DDR1: variants seen among roughly 807,000 people sequenced by gnomAD.
The protein encoded by DDR1 is discoidin domain receptor tyrosine kinase 1.
Under a neutral mutation model 97.4 loss-of-function variants are expected in DDR1, and 64 were observed. The ratio of observed to expected loss-of-function variants is 0.66; its 90% CI spans 0.54 to 0.81. The LOEUF is 0.81. Among genes scored for constraint, DDR1 ranks in the 30% least tolerant of loss-of-function variants. DDR1 has a pLI of 0.00. For synonymous variants in DDR1, 458 were observed against 503.7 expected (o/e 0.91, Z 1.21); for missense variants, 990 against 1,259.6 (o/e 0.79, Z 3.24).
Position 30,896,739 on chromosome 6 carries a change from CG to C in DDR1, c.1748del (p.Gly583AlafsTer70), listed in dbSNP as rs2150424867. 6.3e-7 allele frequency: 1 copy of C among 1,596,270 alleles called. No homozygotes were observed. Among genetic ancestry groups the C allele is most frequent in the Non-Finnish European group, 8.5e-7 (1 of 1,170,478 alleles). On this transcript the variant is annotated frameshift_variant, in exon 13 of 18. Transcript: ENST00000376568. LOFTEE classifies it high-confidence loss of function. ...ACATTGTTACCCTGCAGGGCGTCACCGGGGGCAACACCTATGCTGTGCCTGC... is the reference window on the plus strand; with the variant it reads ...ACATTGTTACCCTGCAGGGCGTCACCGGGGCAACACCTATGCTGTGCCTGC... Reference protein sequence around the residue: ...ADIVTLQGVTGGNTYAVPALP... With the variant: ...ADIVTLQGVTXGNTYAVPALP...
In DDR1 at chr6:30,889,376, T is replaced by G. The variant is rs1396848533; in HGVS notation, c.363T>G (p.Arg121=). 6.2e-7 allele frequency: 1 copy of G among 1,604,446 alleles called. No homozygotes were observed. The highest frequency in any genetic ancestry group is 8.5e-7 in the Non-Finnish European group (1 of 1,175,758). The part of the protein sequence containing the change: ...GKEFSRSYRL[R]YSRDGRRWMG... ...AGTTCTCCCGGAGCTACCGGCTGCG[T>G]TACTCCCGGGATGGTCGCCGCTGGA... The change falls in exon 4 of 18, where the codon CGT becomes CGG. Residue 121 remains arginine, a synonymous_variant. Transcript: ENST00000376568. The surrounding 1 kb of genome is among the most constrained non-coding windows in gnomAD (Gnocchi z 4.9).
chr6:30,899,957 G>A lies in DDR1; in HGVS notation c.*661G>A. 1.8e-6 allele frequency: 1 copy of A among 563,008 alleles called. No individual in the cohort carries two copies. Among genetic ancestry groups the A allele is most frequent in the South Asian group, 1.5e-5 (1 of 67,436 alleles). 34.9% of individuals were successfully genotyped at this position (563,008 alleles called of 1,614,324 possible). On this transcript the variant is annotated 3_prime_UTR_variant, in exon 18 of 18. Transcript: ENST00000376568. Reference sequence around the variant, plus strand: ...GTGGAGTAAATATTGGGATTGGGGGGAAAGAGGGAGCAACGGCCCATAGCC... The same window carrying A: ...GTGGAGTAAATATTGGGATTGGGGGAAAAGAGGGAGCAACGGCCCATAGCC...
At chr6:30,898,455 A>G in intron 16 of DDR1, 148 bp downstream of exon 16, 1 of 672,600 alleles carries the variant, frequency 1.5e-6, no homozygotes, top group African/African-American at 1.8e-5. Context: ...TCCTAGCCCA[A>G]GGGACTGGGG....
intron 12 of DDR1, among the ~76,000 whole-genome samples, 187 bp downstream of exon 12, chr6:30,895,701 C>A (rs991945055): frequency 6.6e-6 from 1 of 152,182 alleles, no homozygotes; most frequent in African/African-American, 2.4e-5. Context: ...TAAGGTCCCC[C>A]CCTTGAGCTG....
In DDR1 at chr6:30,897,270, G is replaced by A. The variant is rs1445619709; in HGVS notation, c.1998-109G>A. 4 of 1,464,586 alleles carry A rather than the reference G, an allele frequency of 2.7e-6. No homozygotes were observed. Among genetic ancestry groups the A allele is most frequent in the Non-Finnish European group, 3.7e-6 (4 of 1,086,234 alleles). 90.7% of individuals were successfully genotyped at this position (1,464,586 alleles called of 1,614,324 possible). A position where few individuals can be genotyped will look rare whatever the true frequency, so the allele number is the denominator to read the frequency against. ...CTGGGAGGGGATTTACATGTACGCT[G>A]GGGGTGGGGACGCCTGGTCTGCCTG... is the stretch of plus-strand genomic sequence containing the variant. On this transcript the variant is annotated intron_variant, in intron 14 of 17. Coordinates refer to ENST00000376568, the MANE Select transcript of DDR1 (RefSeq NM_001297654.2). This position sits in a 1 kb window ranked among gnomAD's most constrained non-coding sequence, Gnocchi z 5.2.
In DDR1 at chr6:30,886,083, A is replaced by ACGTCTCTGTGCTTCTCCGT. The variant is rs1785699357; in HGVS notation, c.-43+1374_-43+1392dup. ...GGGTGTTGGAGAACAGACAGCCCAG[A>ACGTCTCTGTGCTTCTCCGT]CGTCTCTGTGCTTCTCCGTGTTCCT... On this transcript the variant is annotated intron_variant, in intron 1 of 17. Coordinates refer to ENST00000376568, the MANE Select transcript of DDR1 (RefSeq NM_001297654.2). The surrounding 1 kb of genome is among the most constrained non-coding windows in gnomAD (Gnocchi z 4.6). Among the ~76,000 whole-genome samples, 4 of 152,172 alleles carry ACGTCTCTGTGCTTCTCCGT rather than the reference A, an allele frequency of 2.6e-5. No homozygotes were observed. In the South Asian group the frequency reaches 8.3e-4, roughly 32 times the overall value.
rs1024066415 is a variant in DDR1 at position 30,888,169 on chromosome 6, T to C, written c.-42-519T>C. Among the ~76,000 whole-genome samples the C allele has an allele frequency of 4.6e-5, 7 of 152,368 alleles. No homozygotes were observed. The highest frequency in any genetic ancestry group is 3.4e-3 in the Middle Eastern group (1 of 294). ...TTAAAAAAAATGTTTGTTGGCAATT[T>C]GGCTTTGCTTTTCTGTGAAATGACT... On this transcript the variant is annotated intron_variant, in intron 1 of 17. Coordinates refer to ENST00000376568, the MANE Select transcript of DDR1 (RefSeq NM_001297654.2). The surrounding 1 kb of genome is among the most constrained non-coding windows in gnomAD (Gnocchi z 4.2).
chr6:30,891,341 C>T lies in DDR1; in HGVS notation c.566-39C>T. On this transcript the variant is annotated intron_variant, in intron 5 of 17. Coordinates refer to ENST00000376568, the MANE Select transcript of DDR1 (RefSeq NM_001297654.2). This position sits in a 1 kb window ranked among gnomAD's most constrained non-coding sequence, Gnocchi z 5.3. ...CTGATGCAGGGATGGGGGATGGAGC[C>T]TTAGTGCCTCTGACCCCCATCCTCT... The T allele has an allele frequency of 1.3e-6, 2 of 1,546,874 alleles. No individual in the cohort carries two copies. The highest frequency in any genetic ancestry group is 1.8e-6 in the Non-Finnish European group (2 of 1,122,946).
chr6:30,891,531 G>C lies in DDR1; in HGVS notation c.665+52G>C. The C allele has an allele frequency of 1.3e-6, 1 of 742,044 alleles. No homozygotes were observed. The highest frequency in any genetic ancestry group is 2.2e-6 in the Non-Finnish European group (1 of 447,622). The allele number at this position is 742,044 out of a possible 1,614,324, so 46.0% of individuals were successfully genotyped here. On this transcript the variant is annotated intron_variant, in intron 6 of 17. Transcript: ENST00000376568. The surrounding 1 kb of genome is among the most constrained non-coding windows in gnomAD (Gnocchi z 5.3). ...AGTTTGGGGTGGGAGGGAGGACTGTGTGTGTGTGTGTGTGTGTGTGTGTGT... is the reference window on the plus strand; with the variant it reads ...AGTTTGGGGTGGGAGGGAGGACTGTCTGTGTGTGTGTGTGTGTGTGTGTGT...
At position 30,895,480 on chromosome 6, in the gene DDR1, C is replaced by T; in HGVS notation, c.1590C>T (p.Pro530=). Residue 530 remains proline (P), a synonymous_variant, in exon 12 of 18, where the codon CCC becomes CCT. Coordinates refer to ENST00000376568, the MANE Select transcript of DDR1 (RefSeq NM_001297654.2). ...YARPPRGPGP[P]TPAWAKPTNT... ...GTCCCCCTCGAGGCCCGGGCCCCCCCACACCCGCCTGGGCCAAACCCACCA... is the reference window on the plus strand; with the variant it reads ...GTCCCCCTCGAGGCCCGGGCCCCCCTACACCCGCCTGGGCCAAACCCACCA... The T allele has an allele frequency of 1.9e-6, 3 of 1,605,198 alleles. No homozygotes were observed. The highest frequency in any genetic ancestry group is 1.1e-5 in the South Asian group (1 of 90,404).
Position 30,899,466 on chromosome 6 carries a change from C to T in DDR1, c.*170C>T, listed in dbSNP as rs1792192774. 2.7e-6 allele frequency: 2 copies of T among 742,886 alleles called. No homozygotes were observed. The highest frequency in any genetic ancestry group is 4.2e-6 in the Non-Finnish European group (2 of 471,388). 46.0% of individuals were successfully genotyped at this position (742,886 alleles called of 1,614,324 possible). ...GGGCCCACCCAGGGAGCTGATGCCC[C>T]TTCTCCCCTTCCTGGACACACTCTC... On this transcript the variant is annotated 3_prime_UTR_variant, in exon 18 of 18. Transcript: ENST00000376568.
chr6:30,896,955 G>T, intron 13 of DDR1, 59 bp from the exon 14 acceptor site: 1 of 1,581,386 alleles, frequency 6.3e-7, no homozygotes, highest in Non-Finnish European at 8.6e-7. Flanking sequence ...TTAGTCATTT[G>T]TAACCGTGTT....
chr6:30,899,041 A>T lies in DDR1; in HGVS notation c.2601+4A>T, dbSNP rs781684792. The stretch of plus-strand genomic sequence containing the variant: ...CTTCCGGGACCAGGGCCGGCAGGTC[A>T]GAGTGGAGGAGAGGGAAGATGGGTC... On this transcript the variant is annotated splice_donor_region_variant and intron_variant, in intron 17 of 17. Transcript: ENST00000376568. 1.2e-6 allele frequency: 2 copies of T among 1,614,150 alleles called. No individual in the cohort carries two copies. The highest frequency in any genetic ancestry group is 1.7e-6 in the Non-Finnish European group (2 of 1,180,014).
At chr6:30,885,220 A>G (rs1190311005) in intron 1 of DDR1, 1 of 1,533,638 alleles carries the variant, frequency 6.5e-7, no homozygotes, top group East Asian at 2.4e-5. Flanking sequence ...GCATGAGAGA[A>G]TGTCACTGCC....
In DDR1 at chr6:30,892,081, G is replaced by A; in HGVS notation, c.745G>A (p.Val249Ile). ...DDFRKSQELRVWPGYDYVGWS... is the reference protein window; with the variant it reads ...DDFRKSQELRIWPGYDYVGWS... ...CTTTAGGAAGAGTCAGGAGCTGCGGGTCTGGCCAGGCTATGACTATGTGGG... is the reference window on the plus strand; with the variant it reads ...CTTTAGGAAGAGTCAGGAGCTGCGGATCTGGCCAGGCTATGACTATGTGGG... The change falls in exon 7 of 18, where the codon GTC becomes ATC. Residue 249 changes from valine (V) to isoleucine (I), a missense_variant. Coordinates refer to ENST00000376568, the MANE Select transcript of DDR1 (RefSeq NM_001297654.2). 6.2e-7 allele frequency: 1 copy of A among 1,614,202 alleles called. No homozygotes were observed. Among genetic ancestry groups the A allele is most frequent in the Non-Finnish European group, 8.5e-7 (1 of 1,180,022 alleles).
Position 30,894,412 on chromosome 6 carries a change from A to C in DDR1, c.1348-94A>C. 1 of 1,277,056 alleles carries C rather than the reference A, an allele frequency of 7.8e-7. No individual in the cohort carries two copies. The allele number at this position is 1,277,056 out of a possible 1,614,324, so 79.1% of individuals were successfully genotyped here. On this transcript the variant is annotated intron_variant, in intron 10 of 17. Coordinates refer to ENST00000376568, the MANE Select transcript of DDR1 (RefSeq NM_001297654.2). The surrounding 1 kb of genome is among the most constrained non-coding windows in gnomAD (Gnocchi z 5.7). ...TATCCACAGCTGTAGGGCTCTTGTG[A>C]GGGCTGAGGGAGGGAACGCAGGGAT...
Position 30,892,101 on chromosome 6 carries a change from T to C in DDR1, c.765T>C (p.Tyr255=), listed in dbSNP as rs763953188. 1.9e-5 allele frequency: 30 copies of C among 1,614,194 alleles called. No homozygotes were observed. The East Asian group carries it at 6.2e-4, about 34-fold the overall frequency. Residue 255 remains tyrosine (Y), a synonymous_variant, in exon 7 of 18, where the codon TAT becomes TAC. Transcript: ENST00000376568. ...QELRVWPGYD[Y]VGWSNHSFSS... Reference sequence around the variant, plus strand: ...TGCGGGTCTGGCCAGGCTATGACTATGTGGGATGGAGCAACCACAGCTTCT... The same window carrying C: ...TGCGGGTCTGGCCAGGCTATGACTACGTGGGATGGAGCAACCACAGCTTCT...
rs1366347986 is a variant in DDR1, at chr6:30,884,822, T to G, written c.-43+112T>G. 9.7e-6 allele frequency: 2 copies of G among 205,492 alleles called. No homozygotes were observed. The highest frequency in any genetic ancestry group is 2.0e-4 in the East Asian group (2 of 10,050). 12.7% of individuals were successfully genotyped at this position (205,492 alleles called of 1,614,324 possible). A position where few individuals can be genotyped will look rare whatever the true frequency, so the allele number is the denominator to read the frequency against. Reference sequence around the variant, plus strand: ...GGGGGAGGCAGGACGTCCCGAGCCATGCTTGGTCGTCCAGCTCTTCTAAGC... The same window carrying G: ...GGGGGAGGCAGGACGTCCCGAGCCAGGCTTGGTCGTCCAGCTCTTCTAAGC... On this transcript the variant is annotated intron_variant, in intron 1 of 17. Coordinates refer to ENST00000376568, the MANE Select transcript of DDR1 (RefSeq NM_001297654.2). This position sits in a 1 kb window ranked among gnomAD's most constrained non-coding sequence, Gnocchi z 6.1.
At position 30,894,724 on chromosome 6, in the gene DDR1, T is replaced by C; in HGVS notation, c.1513+53T>C. 6.7e-7 allele frequency: 1 copy of C among 1,484,352 alleles called. No individual in the cohort carries two copies. Among genetic ancestry groups the C allele is most frequent in the Non-Finnish European group, 9.0e-7 (1 of 1,112,422 alleles). The allele number at this position is 1,484,352 out of a possible 1,614,324, so 91.9% of individuals were successfully genotyped here. ...CTCTGTCCTCTCTGCTGTTTTCTTA[T>C]TGTATCCCTTTCCCATTCTCTTTTT... On this transcript the variant is annotated intron_variant, in intron 11 of 17. Transcript: ENST00000376568. This position sits in a 1 kb window ranked among gnomAD's most constrained non-coding sequence, Gnocchi z 5.7.
Sources: gnomAD v4.1 joint callset for allele counts (sites outside exome capture counted in the v4.1 genomes callset) on GRCh38, gnomAD v4.1.1 for gene constraint, Gnocchi (gnomAD v3.1) non-coding constraint, MANE v1.5 for transcripts, NCBI Gene and HGNC (gene_info 2026-07-23, HGNC 2026-07-21) for gene names.